The following AFG2A variants were observed in gnomAD, a reference collection of about 807,000 sequenced individuals.
AFG2A encodes the protein AAA ATPase AFG2A, also known as ATPase family gene 2 protein homolog A.
At chr4:123,127,252 T>A in the AFG2A span, among the ~76,000 whole-genome samples, 806 of 152,286 alleles carry the variant, frequency 5.3e-3, 2 homozygotes, top group African/African-American at 0.018. Context: ...TTAAATCTCT[T>A]TAGTTTTCAC....
the AFG2A span, among the ~76,000 whole-genome samples, chr4:122,996,570 CAGATAGATAGATAGATAGAT>C: frequency 4.3e-5 from 6 of 139,642 alleles, no homozygotes; most frequent in South Asian, 7.4e-4. Context: ...GGTAGGTAGG[CAGATAGATAGATAGATAGAT>C]AGATAGATAG....
chr4:123,195,453 G>GTATGTCT, the AFG2A span, among the ~76,000 whole-genome samples: 79,440 of 151,608 alleles, frequency 0.52, 24,130 homozygotes, highest in Non-Finnish European at 0.67. Context: ...GTAAAAGGTA[G>GTATGTCT]TAGATGGGAA....
the AFG2A span, among the ~76,000 whole-genome samples, chr4:123,201,616 A>T: frequency 2.0e-5 from 3 of 152,184 alleles, no homozygotes; most frequent in Non-Finnish European, 4.4e-5. Context: ...GTAACAAGTT[A>T]TCTTAAAAAA....
chr4:123,176,414 A>G, the AFG2A span, among the ~76,000 whole-genome samples: 2 of 152,228 alleles, frequency 1.3e-5, no homozygotes, highest in East Asian at 3.8e-4. Context: ...GTTTTTCAGT[A>G]CTACAACAAT....
chr4:123,250,965 AT>A, the AFG2A span, among the ~76,000 whole-genome samples: 1 of 152,140 alleles, frequency 6.6e-6, no homozygotes, highest in Non-Finnish European at 1.5e-5. Context: ...CTTTCCTACT[AT>A]TTTTTAAGCA....
the AFG2A span, among the ~76,000 whole-genome samples, chr4:123,163,701 T>A: frequency 1.3e-5 from 2 of 152,286 alleles, no homozygotes; most frequent in South Asian, 4.1e-4. Flanking sequence ...GAGCTTCCCT[T>A]TTTTGAACAT....
the AFG2A span, among the ~76,000 whole-genome samples, chr4:122,995,046 A>C: frequency 6.6e-6 from 1 of 152,118 alleles, no homozygotes; most frequent in African/African-American, 2.4e-5. Context: ...TTCTGGTGCA[A>C]AGGTTTGAGT....
At chr4:123,075,826 A>G in the AFG2A span, among the ~76,000 whole-genome samples, 1 of 151,810 alleles carries the variant, frequency 6.6e-6, no homozygotes, top group Non-Finnish European at 1.5e-5. Context: ...GCGTGGTGGC[A>G]CATGCCTGTA....
chr4:123,086,793 CAG>C, the AFG2A span, among the ~76,000 whole-genome samples: 1 of 152,032 alleles, frequency 6.6e-6, no homozygotes, highest in Admixed American at 6.6e-5. Context: ...TCCGTAAGTG[CAG>C]AGATTCTTTC....
the AFG2A span, among the ~76,000 whole-genome samples, chr4:123,263,334 C>T: frequency 6.6e-6 from 1 of 152,142 alleles, no homozygotes; most frequent in East Asian, 1.9e-4. Context: ...TATTTGCCCC[C>T]CTTGGCTGGG....
chr4:123,229,244 T>G, the AFG2A span, among the ~76,000 whole-genome samples: 2 of 151,946 alleles, frequency 1.3e-5, no homozygotes, highest in African/African-American at 4.8e-5. Context: ...AGGAAAGGCT[T>G]CCCTGAGTTA....
chr4:122,993,479 T>A, the AFG2A span, among the ~76,000 whole-genome samples: 799 of 152,282 alleles, frequency 5.2e-3, 7 homozygotes, highest in African/African-American at 0.018. Flanking sequence ...TCTCAAATAT[T>A]TAGGCTTTTG....
At chr4:122,933,989 G>A in the AFG2A span, 9 of 1,245,778 alleles carry the variant, frequency 7.2e-6, 1 homozygote, top group East Asian at 2.6e-5. Context: ...TTAATACTCT[G>A]TCTTTGATTT....
the AFG2A span, among the ~76,000 whole-genome samples, chr4:123,042,096 A>G: frequency 0.83 from 126,603 of 152,084 alleles, 53,871 homozygotes; most frequent in East Asian, 0.97. Context: ...CTACTCATCT[A>G]TTACCATATT....
the AFG2A span, among the ~76,000 whole-genome samples, chr4:123,117,550 CAG>C: frequency 6.6e-6 from 1 of 150,668 alleles, no homozygotes; most frequent in Non-Finnish European, 1.5e-5. Flanking sequence ...ACAACAGAAA[CAG>C]ACATTGGAGA....
At chr4:123,056,324 T>C in the AFG2A span, 1 of 1,475,428 alleles carries the variant, frequency 6.8e-7, no homozygotes, top group Non-Finnish European at 9.2e-7. Flanking sequence ...TTCTACTTCA[T>C]TGGAAGAAAT....
the AFG2A span, among the ~76,000 whole-genome samples, chr4:123,116,300 C>A: frequency 6.6e-6 from 1 of 151,952 alleles, no homozygotes; most frequent in Non-Finnish European, 1.5e-5. Flanking sequence ...TTTTTTAAAC[C>A]AAACAAAAAT....
At chr4:123,076,559 T>C in the AFG2A span, among the ~76,000 whole-genome samples, 1,583 of 151,850 alleles carry the variant, frequency 0.01, 27 homozygotes, top group African/African-American at 0.036. Flanking sequence ...TTATTTTTAT[T>C]TGTTTTTTTT....
At chr4:123,112,005 G>A in the AFG2A span, among the ~76,000 whole-genome samples, 2 of 152,128 alleles carry the variant, frequency 1.3e-5, no homozygotes, top group Non-Finnish European at 2.9e-5. Context: ...TTACAGGTGT[G>A]AGCCACCGCA....
Sources: gnomAD v4.1 joint callset for allele counts (sites outside exome capture counted in the v4.1 genomes callset) on GRCh38, gnomAD v4.1.1 for gene constraint, MANE v1.5 for transcripts, NCBI Gene and HGNC (gene_info 2026-07-23, HGNC 2026-07-21) for gene names.